Variants in IMMP2L observed in about 807,000 individuals in gnomAD.
IMMP2L encodes mitochondrial inner membrane protease subunit 2.
Under a neutral mutation model 19.3 loss-of-function variants are expected in IMMP2L, and 18 were observed. That is an observed-to-expected ratio of 0.93 (90% CI 0.64 to 1.38). IMMP2L has a LOEUF of 1.38. Ranked by LOEUF, IMMP2L falls within the 40% of genes most tolerant of loss-of-function variation. The pLI is 0.00. For missense variants in IMMP2L, 233 were observed against 218.2 expected, an observed-to-expected ratio of 1.07 and a Z score of -0.43; for synonymous variants, 76 against 73.0, an observed-to-expected ratio of 1.04 and a Z score of -0.21.
chr7:111,022,552 T>A (rs1826394526), intron 3 of IMMP2L, among the ~76,000 whole-genome samples: 1 of 152,178 alleles, frequency 6.6e-6, no homozygotes, highest in Non-Finnish European at 1.5e-5. Flanking sequence ...GATACACTGC[T>A]CCCTCAAGAA....
intron 3 of IMMP2L, among the ~76,000 whole-genome samples, chr7:111,211,992 G>A (rs192678395): frequency 5.3e-5 from 8 of 152,118 alleles, no homozygotes; most frequent in South Asian, 4.2e-4. Flanking sequence ...GCAAGACTCC[G>A]TCTCAAAAAC....
intron 5 of IMMP2L, among the ~76,000 whole-genome samples, chr7:110,884,223 T>A (rs1809982794): frequency 6.6e-6 from 1 of 152,050 alleles, no homozygotes; most frequent in African/African-American, 2.4e-5. Context: ...ACATCATGGC[T>A]ACAATAGAAA....
intron 5 of IMMP2L, among the ~76,000 whole-genome samples, chr7:110,772,431 G>C (rs571875113): frequency 6.6e-6 from 1 of 152,028 alleles, no homozygotes; most frequent in South Asian, 2.1e-4. Flanking sequence ...TTTAACCTAC[G>C]GCTGCTTTAA....
At chr7:111,031,381 G>GGTGGGTGT (rs370103235) in intron 3 of IMMP2L, among the ~76,000 whole-genome samples, 3 of 72,592 alleles carry the variant, frequency 4.1e-5, no homozygotes, top group Admixed American at 1.2e-4. Context: ...GGGGTGTAGG[G>GGTGGGTGT]GTGTGTGTGT....
chr7:111,497,058 T>A (rs187425874), intron 2 of IMMP2L, among the ~76,000 whole-genome samples: 2 of 152,270 alleles, frequency 1.3e-5, no homozygotes, highest in African/African-American at 4.8e-5. Flanking sequence ...ACATATAACA[T>A]ATTGATTTAA....
chr7:111,263,454 C>T (rs2129886171), intron 3 of IMMP2L, among the ~76,000 whole-genome samples: 1 of 152,156 alleles, frequency 6.6e-6, no homozygotes, highest in East Asian at 1.9e-4. Flanking sequence ...TGAGGAGAAC[C>T]ATGGGAAACA....
At chr7:111,097,206 A>G (rs1263795448) in intron 3 of IMMP2L, 1 of 151,890 alleles carries the variant, frequency 6.6e-6, no homozygotes, top group African/African-American at 2.4e-5. Context: ...CTGAGGAACA[A>G]TGGAAGAGGC....
intron 5 of IMMP2L, among the ~76,000 whole-genome samples, chr7:110,747,048 C>G (rs929457108): frequency 6.6e-6 from 1 of 151,906 alleles, no homozygotes; most frequent in Non-Finnish European, 1.5e-5. Context: ...CAAATAGATG[C>G]AATAAAAAAT....
chr7:110,863,317 G>A (rs1307144143), intron 5 of IMMP2L, among the ~76,000 whole-genome samples: 1 of 152,104 alleles, frequency 6.6e-6, no homozygotes, highest in Non-Finnish European at 1.5e-5. Context: ...TGGGGATCCA[G>A]GTTAAAAGAG....
At chr7:110,682,154 ACT>A (rs1414457554) in intron 5 of IMMP2L, among the ~76,000 whole-genome samples, 1 of 151,850 alleles carries the variant, frequency 6.6e-6, no homozygotes, top group Non-Finnish European at 1.5e-5. Flanking sequence ...CTCACAGCAC[ACT>A]CTGATCTCTC....
intron 5 of IMMP2L, among the ~76,000 whole-genome samples, chr7:110,862,346 TA>T (rs148707119): frequency 0.032 from 4,932 of 151,782 alleles, 263 homozygotes; most frequent in African/African-American, 0.11. Flanking sequence ...ATACATTTTT[TA>T]TTTTTTTTTA....
intron 3 of IMMP2L, among the ~76,000 whole-genome samples, chr7:111,093,240 T>C (rs978097121): frequency 2.6e-5 from 4 of 152,190 alleles, no homozygotes; most frequent in Non-Finnish European, 4.4e-5. Context: ...GCTTGCAATA[T>C]TGGCAGCTTT....
chr7:111,049,220 T>G (rs1269644044), intron 3 of IMMP2L, among the ~76,000 whole-genome samples: 1 of 142,070 alleles, frequency 7.0e-6, no homozygotes, highest in Non-Finnish European at 1.5e-5. Flanking sequence ...AAGCTCCGCC[T>G]CCCGGGTTCA....
chr7:111,456,454 C>T (rs146430241), intron 3 of IMMP2L, among the ~76,000 whole-genome samples: 1,978 of 144,280 alleles, frequency 0.014, 56 homozygotes, highest in African/African-American at 0.049. Context: ...CAATCAACTA[C>T]ATCATAAGGC....
chr7:111,070,664 A>G (rs1393517181), intron 3 of IMMP2L, among the ~76,000 whole-genome samples: 1 of 152,182 alleles, frequency 6.6e-6, no homozygotes, highest in Non-Finnish European at 1.5e-5. Context: ...AATCACTAAT[A>G]CACTGAGAAA....
intron 3 of IMMP2L, among the ~76,000 whole-genome samples, chr7:111,285,799 T>C (rs1387586572): frequency 6.6e-6 from 1 of 152,172 alleles, no homozygotes; most frequent in African/African-American, 2.4e-5. Context: ...CCCAACAGTA[T>C]CTAGATTCAA....
intron 5 of IMMP2L, among the ~76,000 whole-genome samples, chr7:110,811,319 T>C (rs1043902216): frequency 6.6e-6 from 1 of 152,046 alleles, no homozygotes; most frequent in African/African-American, 2.4e-5. Context: ...AGAATGACCT[T>C]AGTGACTCAT....
intron 3 of IMMP2L, among the ~76,000 whole-genome samples, chr7:111,135,850 T>A (rs1802284131): frequency 6.6e-6 from 1 of 152,068 alleles, no homozygotes; most frequent in Non-Finnish European, 1.5e-5. Flanking sequence ...TCACTCTTAA[T>A]CCAGACTAGA....
At chr7:111,436,988 A>G (rs1023186309) in intron 3 of IMMP2L, among the ~76,000 whole-genome samples, 15 of 151,772 alleles carry the variant, frequency 9.9e-5, no homozygotes, top group African/African-American at 3.7e-4. Context: ...GAGGAACGCA[A>G]TAAGCTTTTC....
Sources: gnomAD v4.1 joint callset for allele counts (sites outside exome capture counted in the v4.1 genomes callset) on GRCh38, gnomAD v4.1.1 for gene constraint, MANE v1.5 for transcripts, NCBI Gene and HGNC (gene_info 2026-07-23, HGNC 2026-07-21) for gene names.